TTC28: variants seen among roughly 807,000 people sequenced by gnomAD.
The protein encoded by TTC28 is tetratricopeptide repeat domain 28, also known as tetratricopeptide repeat protein 28.
TTC28 carries 61 observed loss-of-function variants against 198.0 expected under a neutral mutation model. The observed-to-expected ratio is 0.31, with a 90% CI of 0.25 to 0.38. The LOEUF is 0.38. Among genes scored for constraint, TTC28 ranks in the 10% least tolerant of loss-of-function variants. The probability of loss-of-function intolerance (pLI) is 1.00; values close to 1 mark genes in which losing one functional copy is unlikely to be tolerated. For synonymous variants in TTC28, 1,171 were observed against 1,297.8 expected, an observed-to-expected ratio of 0.90 and a Z score of 2.10; for missense variants, 2,678 against 3,164.0, an observed-to-expected ratio of 0.85 and a Z score of 3.69.
chr22:28,517,199 T>G (rs1222459429), intron 2 of TTC28, among the ~76,000 whole-genome samples: 3 of 152,110 alleles, frequency 2.0e-5, no homozygotes, highest in African/African-American at 7.2e-5. Flanking sequence ...TGAGAACATG[T>G]GGTGTTTGGT....
chr22:28,237,530 C>T (rs966071224), intron 5 of TTC28, among the ~76,000 whole-genome samples: 2 of 152,142 alleles, frequency 1.3e-5, no homozygotes, highest in East Asian at 3.9e-4. Flanking sequence ...ACTTTCATTT[C>T]TCCCTCTTAT....
chr22:28,086,636 T>C (rs1047936856), intron 12 of TTC28, among the ~76,000 whole-genome samples: 4 of 152,018 alleles, frequency 2.6e-5, no homozygotes, highest in Non-Finnish European at 4.4e-5. Context: ...ATTCAAAAGC[T>C]AGCAGAAGGC....
At chr22:28,072,242 G>A (rs1242926796) in intron 12 of TTC28, among the ~76,000 whole-genome samples, 1 of 152,192 alleles carries the variant, frequency 6.6e-6, no homozygotes, top group Non-Finnish European at 1.5e-5. Context: ...TTGACCGTGT[G>A]TGCCAGAGAA....
At chr22:28,583,034 T>G (rs1176251930) in intron 2 of TTC28, among the ~76,000 whole-genome samples, 4 of 152,052 alleles carry the variant, frequency 2.6e-5, no homozygotes, top group African/African-American at 9.7e-5. Flanking sequence ...TAGATGGTGG[T>G]TCTTCCATAG....
intron 1 of TTC28, among the ~76,000 whole-genome samples, chr22:28,658,935 C>T (rs1315074314): frequency 6.6e-6 from 1 of 151,944 alleles, no homozygotes; most frequent in Non-Finnish European, 1.5e-5. Context: ...AGGTGGAGGT[C>T]ACAGTGAGCC....
At chr22:28,641,630 T>C (rs1029178882) in intron 1 of TTC28, among the ~76,000 whole-genome samples, 2 of 152,174 alleles carry the variant, frequency 1.3e-5, no homozygotes, top group Non-Finnish European at 2.9e-5. Flanking sequence ...AACCACTGAA[T>C]TGTATACTTT....
chr22:28,197,475 G>A (rs1183964435), intron 5 of TTC28, among the ~76,000 whole-genome samples: 2 of 151,334 alleles, frequency 1.3e-5, no homozygotes, highest in Non-Finnish European at 2.9e-5. Context: ...AAAACCAGAT[G>A]GACAAAAAAA....
At chr22:28,445,953 CT>C (rs879690741) in intron 2 of TTC28, among the ~76,000 whole-genome samples, 2 of 152,032 alleles carry the variant, frequency 1.3e-5, no homozygotes, top group African/African-American at 2.4e-5. Flanking sequence ...AGGGACTTGA[CT>C]GTTATAATAC....
Position 28,651,311 on chromosome 22 carries a change from C to CTTTTTTTTTTTTTTT in TTC28, c.103-21482_103-21481insAAAAAAAAAAAAAAA, listed in dbSNP as rs111469498. Among the ~76,000 whole-genome samples, 25 of 147,530 alleles carry CTTTTTTTTTTTTTTT rather than the reference C, an allele frequency of 1.7e-4. 2 individuals carry two copies. Among genetic ancestry groups the CTTTTTTTTTTTTTTT allele is most frequent in the African/African-American group, 4.8e-4 (19 of 39,628 alleles). On this transcript the variant is annotated intron_variant, in intron 1 of 22. Transcript: ENST00000397906. ...ACTGCACCCAGTCACTCTGTCACTCCTTTTTTTTGAGACAGGGTCTTGCTG... is the reference window on the plus strand; with the variant it reads ...ACTGCACCCAGTCACTCTGTCACTCCTTTTTTTTTTTTTTTTTTTTTTTGAGACAGGGTCTTGCTG...
At chr22:28,256,687 T>C (rs60891699) in intron 5 of TTC28, among the ~76,000 whole-genome samples, 11,226 of 152,138 alleles carry the variant, frequency 0.074, 629 homozygotes, top group Admixed American at 0.16. Context: ...TATAAAGCTA[T>C]AGTAATCAAA....
intron 2 of TTC28, among the ~76,000 whole-genome samples, chr22:28,618,881 A>C (rs960239260): frequency 2.6e-5 from 4 of 152,132 alleles, no homozygotes. Flanking sequence ...CACACATATT[A>C]AACAGTGAGC....
At position 28,514,492 on chromosome 22, in the gene TTC28, G is replaced by C. The variant is rs541228275; in HGVS notation, c.381+115060C>G. On this transcript the variant is annotated intron_variant, in intron 2 of 22. Coordinates refer to ENST00000397906, the MANE Select transcript of TTC28 (RefSeq NM_001145418.2). ...TATCAAGAAAGAACATGCTGAATAAGGCCTTCTGAATAGACTACTTTTGAG... is the reference window on the plus strand; with the variant it reads ...TATCAAGAAAGAACATGCTGAATAACGCCTTCTGAATAGACTACTTTTGAG... 2.6e-5 allele frequency among the ~76,000 whole-genome samples: 4 copies of C among 152,250 alleles called. No individual in the cohort carries two copies. The East Asian group carries it at 5.8e-4, about 22-fold the overall frequency.
chr22:28,516,759 TA>T (rs533050995), intron 2 of TTC28, among the ~76,000 whole-genome samples: 132 of 146,608 alleles, frequency 9.0e-4, no homozygotes, highest in Admixed American at 1.8e-3. Flanking sequence ...TAAAGTATAA[TA>T]AAAAAAAAAC....
At chr22:28,247,074 TAAGATC>T (rs1228685647) in intron 5 of TTC28, among the ~76,000 whole-genome samples, 2 of 152,148 alleles carry the variant, frequency 1.3e-5, no homozygotes, top group African/African-American at 4.8e-5. Flanking sequence ...GAAAAATGAT[TAAGATC>T]AAGATACGTG....
chr22:28,527,535 G>A (rs1253164990), intron 2 of TTC28, among the ~76,000 whole-genome samples: 1 of 152,072 alleles, frequency 6.6e-6, no homozygotes, highest in Non-Finnish European at 1.5e-5. Flanking sequence ...CTCCAACAAG[G>A]TTTCAGACAT....
At chr22:28,367,479 AAAG>A (rs2046266473) in intron 2 of TTC28, among the ~76,000 whole-genome samples, 1 of 152,024 alleles carries the variant, frequency 6.6e-6, no homozygotes, top group Non-Finnish European at 1.5e-5. Flanking sequence ...CTGACATCAA[AAAG>A]AAGAAAAACC....
chr22:28,313,254 C>G (rs142268068), intron 2 of TTC28, among the ~76,000 whole-genome samples: 11 of 152,242 alleles, frequency 7.2e-5, no homozygotes, highest in Admixed American at 2.0e-4. Context: ...TGGGACCAGA[C>G]AGATTCACAG....
In TTC28 at chr22:27,983,131, C is replaced by T. The variant is rs765313384; in HGVS notation, c.6536G>A (p.Arg2179His). Residue 2179 changes from arginine (R) to histidine (H), a missense_variant, in exon 23 of 23, where the codon CGT (arginine) becomes CAT (histidine). Transcript: ENST00000397906. ...CACCTGGCCGCCGCTCCTCTGAAGA[C>T]GCTCCACCGCAATGAGATGACTCTG... ...ETQSHLIAVERLQRSGGQVSK... is the reference protein window; with the variant it reads ...ETQSHLIAVEHLQRSGGQVSK... The T allele has an allele frequency of 4.6e-5, 71 of 1,551,792 alleles. No individual in the cohort carries two copies. The highest frequency in any genetic ancestry group is 3.9e-4 in the East Asian group (16 of 40,904).
In TTC28 at chr22:28,370,841, C is replaced by G. The variant is rs534263741; in HGVS notation, c.382-64198G>C. 3.9e-5 allele frequency among the ~76,000 whole-genome samples: 6 copies of G among 152,314 alleles called. No homozygotes were observed. The South Asian group carries it at 6.2e-4, about 16-fold the overall frequency. The stretch of plus-strand genomic sequence containing the variant: ...CTTTTCAATGTTGTCCCTGGCCCAG[C>G]AGCATTAGCGGTGCATGACTTTGTT... On this transcript the variant is annotated intron_variant, in intron 2 of 22. Coordinates refer to ENST00000397906, the MANE Select transcript of TTC28 (RefSeq NM_001145418.2).
Sources: gnomAD v4.1 joint callset for allele counts (sites outside exome capture counted in the v4.1 genomes callset) on GRCh38, gnomAD v4.1.1 for gene constraint, MANE v1.5 for transcripts, NCBI Gene and HGNC (gene_info 2026-07-23, HGNC 2026-07-21) for gene names.